LOC122539214: variants seen among roughly 807,000 people sequenced by gnomAD.
At chr19:52,659,275 C>T in the LOC122539214 span, among the ~76,000 whole-genome samples, 3 of 152,078 alleles carry the variant, frequency 2.0e-5, no homozygotes, top group South Asian at 2.1e-4. Context: ...ACGCGACCCC[C>T]GAAAACAAAG....
chr19:52,679,762 A>C, the LOC122539214 span, among the ~76,000 whole-genome samples: 1 of 152,232 alleles, frequency 6.6e-6, no homozygotes, highest in Admixed American at 6.5e-5. Context: ...CAATCATAAC[A>C]GTCAAAGTGT....
chr19:52,671,038 GC>G, the LOC122539214 span, among the ~76,000 whole-genome samples: 1 of 152,132 alleles, frequency 6.6e-6, no homozygotes, highest in African/African-American at 2.4e-5. Flanking sequence ...GATTGGTAGG[GC>G]CTAGAAGAAA....
the LOC122539214 span, among the ~76,000 whole-genome samples, chr19:52,658,132 A>G: frequency 2.4e-5 from 3 of 127,566 alleles, no homozygotes; most frequent in Non-Finnish European, 4.9e-5. Context: ...GTGAAACTTC[A>G]TCTCAAAAAA....
chr19:52,681,280 C>CAAAAAAAAAAAAAA, the LOC122539214 span, among the ~76,000 whole-genome samples: 170 of 75,390 alleles, frequency 2.3e-3, 4 homozygotes, highest in South Asian at 3.2e-3. Flanking sequence ...GAGACTTTCT[C>CAAAAAAAAAAAAAA]AAAAAAAAAA....
the LOC122539214 span, among the ~76,000 whole-genome samples, chr19:52,679,442 C>G: frequency 0.015 from 2,236 of 152,144 alleles, 38 homozygotes; most frequent in African/African-American, 0.047. Context: ...GAAACTCCGA[C>G]TCTACTAAAA....
the LOC122539214 span, among the ~76,000 whole-genome samples, chr19:52,680,931 T>C: frequency 2.0e-5 from 3 of 151,564 alleles, no homozygotes; most frequent in Non-Finnish European, 2.9e-5. Flanking sequence ...TATTTTAAGA[T>C]CCCTTAAGTC....
At chr19:52,675,129 A>G in the LOC122539214 span, among the ~76,000 whole-genome samples, 2 of 152,232 alleles carry the variant, frequency 1.3e-5, no homozygotes, top group African/African-American at 4.8e-5. Flanking sequence ...AAGGAAGTTC[A>G]GAATCTGTAC....
chr19:52,656,864 CAAAAAAAA>C, the LOC122539214 span, among the ~76,000 whole-genome samples: 2 of 136,564 alleles, frequency 1.5e-5, no homozygotes, highest in Admixed American at 7.3e-5. Context: ...GACTCCGTCT[CAAAAAAAA>C]AAAAAAAAAA....
the LOC122539214 span, among the ~76,000 whole-genome samples, chr19:52,666,887 TG>T: frequency 6.6e-6 from 1 of 152,082 alleles, no homozygotes; most frequent in Non-Finnish European, 1.5e-5. Context: ...ATTCAATAAG[TG>T]ATAAAGAAAC....
At chr19:52,656,437 A>G in the LOC122539214 span, among the ~76,000 whole-genome samples, 1 of 152,248 alleles carries the variant, frequency 6.6e-6, no homozygotes, top group East Asian at 1.9e-4. Flanking sequence ...AGGCAGGGGA[A>G]TTGCTTCAAC....
At chr19:52,658,395 A>T in the LOC122539214 span, among the ~76,000 whole-genome samples, 1 of 152,220 alleles carries the variant, frequency 6.6e-6, no homozygotes, top group South Asian at 2.1e-4. Flanking sequence ...GTGAAATTTC[A>T]TCTCTACCAA....
the LOC122539214 span, among the ~76,000 whole-genome samples, chr19:52,669,646 T>G: frequency 6.6e-6 from 1 of 152,288 alleles, no homozygotes; most frequent in East Asian, 1.9e-4. Flanking sequence ...TCCAATAAGT[T>G]AGTGAACAAC....
At chr19:52,690,133 T>G in the LOC122539214 span, among the ~76,000 whole-genome samples, 1 of 140,574 alleles carries the variant, frequency 7.1e-6, no homozygotes, top group East Asian at 2.1e-4. Context: ...ACTTCGCGGG[T>G]GAGGACGTTA....
the LOC122539214 span, among the ~76,000 whole-genome samples, chr19:52,685,651 C>T: frequency 1.3e-5 from 2 of 152,006 alleles, no homozygotes. Context: ...AATCCCAGCA[C>T]ATTGGGAGGT....
At chr19:52,687,596 AATG>A in the LOC122539214 span, among the ~76,000 whole-genome samples, 20 of 17,036 alleles carry the variant, frequency 1.2e-3, 1 homozygote, top group African/African-American at 7.5e-3. Context: ...ATATATATAT[AATG>A]TATATATATA....
chr19:52,659,313 G>C, the LOC122539214 span, among the ~76,000 whole-genome samples: 1 of 152,160 alleles, frequency 6.6e-6, no homozygotes, highest in Non-Finnish European at 1.5e-5. Context: ...GGTCAAGCCA[G>C]TGAGTAATCA....
the LOC122539214 span, among the ~76,000 whole-genome samples, chr19:52,679,548 T>C: frequency 6.6e-6 from 1 of 151,802 alleles, no homozygotes; most frequent in Non-Finnish European, 1.5e-5. Flanking sequence ...AAGGTGGAGG[T>C]TGCAATGAGC....
chr19:52,681,775 G>A, the LOC122539214 span, among the ~76,000 whole-genome samples: 1 of 152,200 alleles, frequency 6.6e-6, no homozygotes, highest in Non-Finnish European at 1.5e-5. Context: ...AGGTTCAAGG[G>A]TAAGAACATG....
the LOC122539214 span, among the ~76,000 whole-genome samples, chr19:52,686,793 G>A: frequency 1.3e-5 from 2 of 152,018 alleles, no homozygotes; most frequent in Non-Finnish European, 2.9e-5. Context: ...GGCTGCTCTT[G>A]AACTCCTGAC....
Sources: allele counts gnomAD v4.1 joint callset (sites outside exome capture counted in the v4.1 genomes callset), GRCh38; gene constraint gnomAD v4.1.1; transcripts MANE v1.5.